Variants in MBNL2 observed in about 807,000 individuals in gnomAD.
The protein encoded by MBNL2 is muscleblind-like protein 2.
MBNL2 carries 17 observed loss-of-function variants against 41.9 expected under a neutral mutation model. The ratio of observed to expected loss-of-function variants is 0.41; its 90% CI spans 0.28 to 0.61. The LOEUF (loss-of-function observed/expected upper bound fraction) is 0.61. MBNL2 is among the 20% of genes least tolerant of loss of function. The pLI is 0.35. For synonymous variants in MBNL2, 195 were observed against 182.9 expected, an observed-to-expected ratio of 1.07 and a Z score of -0.53; for missense variants, 336 against 505.6, an observed-to-expected ratio of 0.66 and a Z score of 3.22.
the MBNL2 span, among the ~76,000 whole-genome samples, chr13:97,158,021 G>T: frequency 6.7e-6 from 1 of 149,142 alleles, no homozygotes; most frequent in Non-Finnish European, 1.5e-5. Context: ...AATCCATCTG[G>T]TCCTGGACTC....
the MBNL2 span, among the ~76,000 whole-genome samples, chr13:97,143,568 C>T: frequency 6.6e-6 from 1 of 152,206 alleles, no homozygotes; most frequent in Non-Finnish European, 1.5e-5. Context: ...AATGTTTGTA[C>T]TCAAGTAAAT....
At chr13:97,224,876 A>G (rs1346360433) in intron 1 of MBNL2, among the ~76,000 whole-genome samples, 1 of 152,228 alleles carries the variant, frequency 6.6e-6, no homozygotes, top group African/African-American at 2.4e-5. Context: ...CATTTTTTCC[A>G]TCGATCTAAT....
At chr13:97,219,713 G>T (rs988504268), upstream of MBNL2, among the ~76,000 whole-genome samples, 2 of 152,180 alleles carry the variant, frequency 1.3e-5, no homozygotes, top group African/African-American at 4.8e-5. Context: ...TTGAGGGCTA[G>T]GACTTCCACA....
intron 1 of MBNL2, among the ~76,000 whole-genome samples, chr13:97,242,897 AAATTGGTG>A (rs1234476070): frequency 2.0e-5 from 3 of 152,164 alleles, no homozygotes; most frequent in Admixed American, 6.5e-5. Context: ...TCATCCTCTG[AAATTGGTG>A]CTGGTGGAAG....
At chr13:97,361,991 T>G (rs2063449184) in intron 7 of MBNL2, among the ~76,000 whole-genome samples, 1 of 151,962 alleles carries the variant, frequency 6.6e-6, no homozygotes, top group Non-Finnish European at 1.5e-5. Context: ...CAGACTGGTC[T>G]TGATCTCCTT....
chr13:97,209,984 C>T, the MBNL2 span, among the ~76,000 whole-genome samples: 47 of 152,078 alleles, frequency 3.1e-4, no homozygotes, highest in Admixed American at 9.2e-4. Context: ...TTAGTAGAGA[C>T]GGGGTTTCAC....
intron 1 of MBNL2, among the ~76,000 whole-genome samples, chr13:97,227,235 A>G (rs575672066): frequency 6.6e-6 from 1 of 152,134 alleles, no homozygotes; most frequent in Non-Finnish European, 1.5e-5. Context: ...AGCCATGTTT[A>G]TAGAACTCTT....
chr13:97,385,359 G>C (rs1421295670), intron 8 of MBNL2, among the ~76,000 whole-genome samples: 1 of 152,146 alleles, frequency 6.6e-6, no homozygotes, highest in African/African-American at 2.4e-5. Flanking sequence ...GTTTAGCAAG[G>C]CTGCACAAAT....
intron 2 of MBNL2, among the ~76,000 whole-genome samples, chr13:97,323,596 A>T (rs1368942044): frequency 2.0e-5 from 3 of 152,212 alleles, no homozygotes; most frequent in African/African-American, 7.2e-5. Context: ...GCCGTTGTAT[A>T]TCAGGGACTT....
the MBNL2 span, among the ~76,000 whole-genome samples, chr13:97,157,659 G>A: frequency 6.7e-6 from 1 of 150,270 alleles, no homozygotes; most frequent in South Asian, 2.1e-4. Context: ...TAATCATGTG[G>A]TTTTTGTCTT....
chr13:97,333,894 T>A (rs528391673), intron 2 of MBNL2, among the ~76,000 whole-genome samples: 36 of 150,260 alleles, frequency 2.4e-4, no homozygotes, highest in African/African-American at 8.4e-4. Flanking sequence ...TTCTTTGGAA[T>A]CTTTTGTCAG....
In MBNL2 at chr13:97,346,303, GGATAATA is replaced by G. The variant is rs2061857411; in HGVS notation, c.541-491_541-485del. ...TGGATGGGTGGATGGATAGATAGAT[GGATAATA>G]GATAATAGAGGGATAGATTGATAGA... is the stretch of plus-strand genomic sequence containing the variant. On this transcript the variant is annotated intron_variant, in intron 4 of 8. Transcript: ENST00000679496. The surrounding 1 kb of genome is among the most constrained non-coding windows in gnomAD (Gnocchi z 4.2). Among the ~76,000 whole-genome samples the G allele has an allele frequency of 1.3e-5, 2 of 151,878 alleles. No individual in the cohort carries two copies. The highest frequency in any genetic ancestry group is 4.8e-5 in the African/African-American group (2 of 41,294).
chr13:97,362,952 G>T (rs2063531148), intron 7 of MBNL2: 1 of 152,190 alleles, frequency 6.6e-6, no homozygotes. Context: ...CTTTCAGTTC[G>T]GTCTAGAGTT....
chr13:97,228,881 A>C (rs970647101), intron 1 of MBNL2, among the ~76,000 whole-genome samples: 2 of 151,934 alleles, frequency 1.3e-5, no homozygotes, highest in Admixed American at 6.6e-5. Context: ...AGATTCAATG[A>C]AAACTCAAAT....
At position 97,378,726 on chromosome 13, in the gene MBNL2, T is replaced by C. The variant is rs183016073; in HGVS notation, c.1049-12596T>C. ...GATCGTATAATATTTAAGTTAACCA[T>C]AGTATTATTTGAATGTCTATTTAAA... On this transcript the variant is annotated intron_variant, in intron 8 of 8. Transcript: ENST00000679496. Among the ~76,000 whole-genome samples the C allele has an allele frequency of 2.6e-4, 39 of 152,290 alleles. No individual in the cohort carries two copies. The South Asian group carries it at 4.6e-3, about 18-fold the overall frequency.
intron 1 of MBNL2, among the ~76,000 whole-genome samples, chr13:97,237,940 G>A (rs1332938122): frequency 4.6e-5 from 7 of 152,158 alleles, no homozygotes; most frequent in Admixed American, 4.6e-4. Context: ...CTGAGGCCAG[G>A]AGCAACTTAC....
intron 1 of MBNL2, among the ~76,000 whole-genome samples, chr13:97,261,242 C>T (rs542168270): frequency 4.6e-5 from 7 of 152,228 alleles, no homozygotes; most frequent in East Asian, 1.9e-4. Context: ...GGAGTATCAG[C>T]GATGCCCACT....
At chr13:97,167,389 TAA>T in the MBNL2 span, among the ~76,000 whole-genome samples, 204 of 144,504 alleles carry the variant, frequency 1.4e-3, no homozygotes, top group Admixed American at 1.9e-3. Flanking sequence ...ATGCTTTATG[TAA>T]AAAAAAAAAA....
At chr13:97,349,203 G>A (rs948931506) in intron 5 of MBNL2, among the ~76,000 whole-genome samples, 1 of 151,942 alleles carries the variant, frequency 6.6e-6, no homozygotes, top group Non-Finnish European at 1.5e-5. Context: ...CACACAAGAG[G>A]GTCAATAAAA....
Sources: gnomAD v4.1 joint callset for allele counts (sites outside exome capture counted in the v4.1 genomes callset) on GRCh38, gnomAD v4.1.1 for gene constraint, Gnocchi (gnomAD v3.1) non-coding constraint, MANE v1.5 for transcripts, NCBI Gene and HGNC (gene_info 2026-07-23, HGNC 2026-07-21) for gene names.